ZNF18: variants seen among roughly 807,000 people sequenced by gnomAD.
ZNF18 encodes zinc finger protein 18, also known as heart development-specific gene 1 protein.
In ZNF18, 42 loss-of-function variants were observed where a neutral mutation model predicts 58.1. That is an observed-to-expected ratio of 0.72 (90% confidence interval 0.56 to 0.93). The LOEUF (loss-of-function observed/expected upper bound fraction) is 0.93. Among genes scored for constraint, ZNF18 ranks in the 40% least tolerant of loss-of-function variants. ZNF18 has a pLI of 0.00. For missense variants in ZNF18, 540 were observed against 644.2 expected, an observed-to-expected ratio of 0.84 and a Z score of 1.75; for synonymous variants, 231 against 239.8, an observed-to-expected ratio of 0.96 and a Z score of 0.34.
intron 1 of ZNF18, among the ~76,000 whole-genome samples, chr17:11,995,139 T>C (rs1317605293): frequency 6.6e-6 from 1 of 152,174 alleles, no homozygotes; most frequent in African/African-American, 2.4e-5. Context: ...CTGAGCGCAG[T>C]GGCTCACGCC....
the ZNF18 span, among the ~76,000 whole-genome samples, chr17:12,014,866 C>G: frequency 6.6e-6 from 1 of 151,990 alleles, no homozygotes; most frequent in Non-Finnish European, 1.5e-5. Context: ...CTGGCTAACA[C>G]GGTGAAACCG....
At chr17:12,020,861 C>T in the ZNF18 span, 13 of 1,070,502 alleles carry the variant, frequency 1.2e-5, no homozygotes, top group Non-Finnish European at 1.5e-5. Flanking sequence ...GCCGCCGCGG[C>T]GCCGCTCGGC....
At chr17:12,001,303 T>C (rs1264932042), upstream of ZNF18, among the ~76,000 whole-genome samples, 1 of 152,132 alleles carries the variant, frequency 6.6e-6, no homozygotes, top group Non-Finnish European at 1.5e-5. Context: ...TTTAGCAATC[T>C]ATTGCACAGT....
Position 11,992,709 on chromosome 17 carries a change from G to C in ZNF18, c.121C>G (p.Arg41Gly). Residue 41 changes from arginine (R) to glycine (G), a missense_variant, in exon 2 of 7, where the codon CGC (arginine) becomes GGC (glycine). Arg to Gly is a moderately radical substitution (Grantham distance 125). Transcript: ENST00000580306. Reference sequence around the variant, plus strand: ...TAACGGAACTGCCTGAAAAGCTGGCGTGCGGTCTCAGGGCTGGAGAGTTCC... The same window carrying C: ...TAACGGAACTGCCTGAAAAGCTGGCCTGCGGTCTCAGGGCTGGAGAGTTCC... ...QEELSSPETA[R>G]QLFRQFRYQV... 6.2e-7 allele frequency: 1 copy of C among 1,614,248 alleles called. No homozygotes were observed. Among genetic ancestry groups the C allele is most frequent in the Non-Finnish European group, 8.5e-7 (1 of 1,180,050 alleles).
At chr17:11,998,405 A>G (rs1968588916), upstream of ZNF18, 1 of 152,250 alleles carries the variant, frequency 6.6e-6, no homozygotes, top group African/African-American at 2.4e-5. Flanking sequence ...AAAAGCTGCC[A>G]TGTTCCCCAA....
At chr17:12,001,554 AGGAGGC>A (rs1968656043), upstream of ZNF18, among the ~76,000 whole-genome samples, 2 of 152,134 alleles carry the variant, frequency 1.3e-5, no homozygotes, top group African/African-American at 4.8e-5. Context: ...GCATGAACCC[AGGAGGC>A]GGAGCTTGCA....
chr17:12,004,201 A>G, the ZNF18 span, among the ~76,000 whole-genome samples: 1 of 152,058 alleles, frequency 6.6e-6, no homozygotes, highest in African/African-American at 2.4e-5. Context: ...ACTGCACTCC[A>G]GCCTGGGTGA....
rs767141001 is a variant in ZNF18, at chr17:11,992,674, C to T, written c.156G>A (p.Met52Ile). ...GCTTCAAGGTCTCATGAGGCCCAGA[C>T]ATCACCTGGTAACGGAACTGCCTGA... Reference protein sequence around the residue: ...QLFRQFRYQVMSGPHETLKQL... With the variant: ...QLFRQFRYQVISGPHETLKQL... The change falls in exon 2 of 7, where the codon ATG (methionine) becomes ATA (isoleucine). Residue 52 changes from methionine (M) to isoleucine (I), a missense_variant. Coordinates refer to ENST00000580306, the MANE Select transcript of ZNF18 (RefSeq NM_001303281.2). 1.9e-6 allele frequency: 3 copies of T among 1,614,264 alleles called. No individual in the cohort carries two copies. Among genetic ancestry groups the T allele is most frequent in the African/African-American group, 2.7e-5 (2 of 75,064 alleles).
intron 1 of ZNF18, among the ~76,000 whole-genome samples, chr17:11,994,781 C>T (rs1427448077): frequency 6.6e-6 from 1 of 151,984 alleles, no homozygotes; most frequent in Non-Finnish European, 1.5e-5. Context: ...GCAGAGCTTG[C>T]AGTGAGCTGA....
chr17:11,978,840 CTTTTTTTTTTTTTTT>C (rs56969015), intron 6 of ZNF18, 96 bp from the exon 7 acceptor site: 7 of 120,518 alleles, frequency 5.8e-5, no homozygotes, highest in Non-Finnish European at 8.9e-5. Flanking sequence ...CATTCATTTT[CTTTTTTTTTTTTTTT>C]TTTTTTTTTT....
At chr17:12,000,886 G>C (rs1968644049), upstream of ZNF18, among the ~76,000 whole-genome samples, 1 of 152,152 alleles carries the variant, frequency 6.6e-6, no homozygotes, top group Admixed American at 6.6e-5. Flanking sequence ...AGTTCAATAA[G>C]GAACGAGAAG....
chr17:11,999,173 T>C (rs537627998), upstream of ZNF18, among the ~76,000 whole-genome samples: 1 of 152,340 alleles, frequency 6.6e-6, no homozygotes, highest in South Asian at 2.1e-4. Context: ...CTTCAATGTG[T>C]TCGCTTTTAG....
intron 1 of ZNF18, among the ~76,000 whole-genome samples, chr17:11,994,831 ACTCCGT>A (rs1968361313): frequency 6.6e-6 from 1 of 151,900 alleles, no homozygotes; most frequent in Non-Finnish European, 1.5e-5. Flanking sequence ...ACAGAGCGAG[ACTCCGT>A]CTCAAAAAAA....
the ZNF18 span, among the ~76,000 whole-genome samples, chr17:12,014,039 T>C: frequency 6.6e-6 from 1 of 152,226 alleles, no homozygotes; most frequent in Admixed American, 6.5e-5. Flanking sequence ...ATAAGAAATA[T>C]AATGTCGGCC....
Position 11,992,430 on chromosome 17 carries a change from A to T in ZNF18, c.387+13T>A. 6.2e-7 allele frequency: 1 copy of T among 1,610,948 alleles called. No individual in the cohort carries two copies. The highest frequency in any genetic ancestry group is 8.5e-7 in the Non-Finnish European group (1 of 1,178,070). On this transcript the variant is annotated intron_variant, in intron 2 of 6. Transcript: ENST00000580306. Reference sequence around the variant, plus strand: ...CTGTGTTTCACTCGCAGATCATAATACCCTCTGCTTACCCATTGCCACAGT... The same window carrying T: ...CTGTGTTTCACTCGCAGATCATAATTCCCTCTGCTTACCCATTGCCACAGT...
chr17:12,003,453 AAAAAG>A, the ZNF18 span, among the ~76,000 whole-genome samples: 1 of 152,046 alleles, frequency 6.6e-6, no homozygotes, highest in African/African-American at 2.4e-5. Flanking sequence ...AAAAAAAAAA[AAAAAG>A]ATGTTCAAGA....
At chr17:11,983,882 C>T (rs867643238) in intron 5 of ZNF18, among the ~76,000 whole-genome samples, 13 of 152,234 alleles carry the variant, frequency 8.5e-5, no homozygotes, top group African/African-American at 2.6e-4. Context: ...GAAGTTACTC[C>T]GTGCAATGTA....
chr17:12,004,123 C>T, the ZNF18 span, among the ~76,000 whole-genome samples: 4 of 151,836 alleles, frequency 2.6e-5, no homozygotes, highest in Non-Finnish European at 4.4e-5. Context: ...CCCAGCTACT[C>T]GGGAGGCTGA....
chr17:12,008,394 C>T, the ZNF18 span, among the ~76,000 whole-genome samples: 3 of 152,144 alleles, frequency 2.0e-5, no homozygotes, highest in Non-Finnish European at 4.4e-5. Flanking sequence ...AGATGGGGGT[C>T]TAGCTACGTT....
Sources: allele counts gnomAD v4.1 joint callset (sites outside exome capture counted in the v4.1 genomes callset), GRCh38; gene constraint gnomAD v4.1.1; transcripts MANE v1.5; gene names NCBI Gene and HGNC (gene_info 2026-07-23, HGNC 2026-07-21).